TFEC: variants seen among roughly 807,000 people sequenced by gnomAD.
The protein encoded by TFEC is transcription factor EC.
Under a neutral mutation model 41.6 loss-of-function variants are expected in TFEC, and 31 were observed. The observed-to-expected ratio is 0.74, with a 90% CI of 0.56 to 1.01. The LOEUF is 1.01. Ranked by LOEUF, TFEC falls within the 50% of genes least tolerant of loss-of-function variation. TFEC has a pLI of 0.00. For missense variants in TFEC, 402 were observed against 404.1 expected, an observed-to-expected ratio of 0.99 and a Z score of 0.04; for synonymous variants, 143 against 140.6, an observed-to-expected ratio of 1.02 and a Z score of -0.12.
intron 3 of TFEC, among the ~76,000 whole-genome samples, chr7:116,067,249 T>G (rs1796715317): frequency 6.6e-6 from 1 of 152,020 alleles, no homozygotes; most frequent in Non-Finnish European, 1.5e-5. Flanking sequence ...TCCCTCATTT[T>G]AGATGTTTAG....
At chr7:116,072,309 G>A (rs1165408599) in intron 3 of TFEC, among the ~76,000 whole-genome samples, 1 of 151,524 alleles carries the variant, frequency 6.6e-6, no homozygotes, top group East Asian at 1.9e-4. Context: ...AAGTAGAATA[G>A]TAAATACATT....
intron 2 of TFEC, among the ~76,000 whole-genome samples, chr7:115,977,174 A>G (rs936361153): frequency 6.6e-6 from 1 of 152,154 alleles, no homozygotes; most frequent in African/African-American, 2.4e-5. Context: ...GACAAAAAAC[A>G]CACCATTTTG....
At chr7:116,057,878 A>G (rs1448531825) in intron 3 of TFEC, among the ~76,000 whole-genome samples, 1 of 151,866 alleles carries the variant, frequency 6.6e-6, no homozygotes, top group Non-Finnish European at 1.5e-5. Context: ...TAAACAAGGA[A>G]TTATAGTAAG....
intron 1 of TFEC, among the ~76,000 whole-genome samples, chr7:115,992,432 A>G (rs1794163180): frequency 6.6e-6 from 1 of 152,196 alleles, no homozygotes; most frequent in Non-Finnish European, 1.5e-5. Flanking sequence ...GTGTTTCGAA[A>G]AGATCAACAA....
intron 1 of TFEC, among the ~76,000 whole-genome samples, chr7:116,013,887 G>C (rs1795095646): frequency 6.6e-6 from 1 of 151,988 alleles, no homozygotes; most frequent in African/African-American, 2.4e-5. Flanking sequence ...ACTTTGTTTT[G>C]TAATCACCAT....
At position 115,938,502 on chromosome 7, in the gene TFEC, G is replaced by A. The variant is rs1407136708; in HGVS notation, c.*2049C>T. The A allele has an allele frequency of 6.6e-6, 1 of 151,804 alleles. No homozygotes were observed. Among genetic ancestry groups the A allele is most frequent in the Non-Finnish European group, 1.5e-5 (1 of 67,864 alleles). 9.4% of individuals were successfully genotyped at this position (151,804 alleles called of 1,614,324 possible). Reference sequence around the variant, plus strand: ...ATTTATCTATCAGGCTTTAATGACTGTACCCAGAAGTTAGTAATTATTTTT... The same window carrying A: ...ATTTATCTATCAGGCTTTAATGACTATACCCAGAAGTTAGTAATTATTTTT... On this transcript the variant is annotated 3_prime_UTR_variant, in exon 8 of 8. Coordinates refer to ENST00000265440, the MANE Select transcript of TFEC (RefSeq NM_012252.4).
At chr7:115,967,241 T>C (rs1008651440) in intron 3 of TFEC, among the ~76,000 whole-genome samples, 1 of 151,460 alleles carries the variant, frequency 6.6e-6, no homozygotes, top group Admixed American at 6.6e-5. Context: ...CTGTGCACTA[T>C]GATATATTTA....
At chr7:116,009,087 A>G (rs768637499) in intron 1 of TFEC, among the ~76,000 whole-genome samples, 2 of 152,144 alleles carry the variant, frequency 1.3e-5, no homozygotes, top group African/African-American at 2.4e-5. Context: ...TGGTCTATAA[A>G]GTCTAAGCTT....
intron 1 of TFEC, among the ~76,000 whole-genome samples, chr7:116,004,349 A>C (rs996001270): frequency 2.6e-5 from 4 of 152,224 alleles, no homozygotes; most frequent in African/African-American, 4.8e-5. Flanking sequence ...TACTACGAAC[A>C]ACTCTATGTT....
intron 3 of TFEC, among the ~76,000 whole-genome samples, chr7:116,061,227 A>G (rs1033429841): frequency 6.6e-6 from 1 of 152,196 alleles, no homozygotes; most frequent in Non-Finnish European, 1.5e-5. Context: ...TAAAGTTTCA[A>G]TAATCATAAT....
intron 3 of TFEC, among the ~76,000 whole-genome samples, chr7:116,068,407 T>C (rs1356518904): frequency 6.6e-6 from 1 of 151,730 alleles, no homozygotes; most frequent in African/African-American, 2.4e-5. Context: ...GGAAAGTAAA[T>C]TGTAAATGTA....
At chr7:116,046,013 G>C (rs1005981213) in intron 3 of TFEC, among the ~76,000 whole-genome samples, 6 of 152,152 alleles carry the variant, frequency 3.9e-5, no homozygotes, top group African/African-American at 1.4e-4. Context: ...CTCCCATTTG[G>C]AATGGCTATA....
intron 1 of TFEC, among the ~76,000 whole-genome samples, chr7:116,022,036 G>A (rs952817301): frequency 1.3e-5 from 2 of 152,144 alleles, no homozygotes; most frequent in Non-Finnish European, 2.9e-5. Flanking sequence ...AAGGCACAAG[G>A]GGAAGGGGTG....
chr7:115,987,505 T>A (rs1213460415), intron 1 of TFEC, among the ~76,000 whole-genome samples: 2 of 152,204 alleles, frequency 1.3e-5, no homozygotes, highest in Non-Finnish European at 2.9e-5. Flanking sequence ...GTTCACTTAT[T>A]CAAGACACAG....
intron 3 of TFEC, among the ~76,000 whole-genome samples, chr7:116,079,072 C>T (rs1797027712): frequency 6.6e-6 from 1 of 151,980 alleles, no homozygotes; most frequent in South Asian, 2.1e-4. Context: ...GAATTAAAAA[C>T]AAAAATCACA....
chr7:116,159,379 A>G (rs957877010), intron 1 of TFEC, among the ~76,000 whole-genome samples: 9 of 151,954 alleles, frequency 5.9e-5, no homozygotes, highest in Admixed American at 3.9e-4. Context: ...TACATTATAT[A>G]TAATAATTAT....
chr7:115,991,221 G>C (rs747215018), intron 1 of TFEC, among the ~76,000 whole-genome samples: 1 of 152,170 alleles, frequency 6.6e-6, no homozygotes, highest in Non-Finnish European at 1.5e-5. Context: ...AGCTCCTGAA[G>C]GAAGCACTAA....
At chr7:115,942,192 A>T in intron 6 of TFEC, 152 bp from the exon 7 acceptor site, 1 of 722,926 alleles carries the variant, frequency 1.4e-6, no homozygotes, top group Admixed American at 3.7e-5. Context: ...ATTTTAATAG[A>T]ATAGTTAAGA....
At chr7:116,120,937 T>C (rs1248464287) in intron 1 of TFEC, among the ~76,000 whole-genome samples, 5 of 152,110 alleles carry the variant, frequency 3.3e-5, no homozygotes, top group East Asian at 3.9e-4. Context: ...TAAAAAACCC[T>C]ACCTAATAAC....
Sources: allele counts gnomAD v4.1 joint callset (sites outside exome capture counted in the v4.1 genomes callset), GRCh38; gene constraint gnomAD v4.1.1; transcripts MANE v1.5; gene names NCBI Gene and HGNC (gene_info 2026-07-23, HGNC 2026-07-21).